Variants in ACOX3 observed in about 807,000 individuals in gnomAD.
The protein encoded by ACOX3 is peroxisomal acyl-coenzyme A oxidase 3.
In ACOX3, 73 loss-of-function variants were observed where a neutral mutation model predicts 81.5. The observed-to-expected ratio is 0.90, with a 90% confidence interval of 0.74 to 1.09. The LOEUF (loss-of-function observed/expected upper bound fraction) is 1.09, where lower values mean the gene tolerates loss of function less well. Among genes scored for constraint, ACOX3 ranks in the 50% least tolerant of loss-of-function variants. The pLI, the probability that ACOX3 is intolerant of heterozygous loss-of-function variation, is 0.00. For synonymous variants in ACOX3, 387 were observed against 375.1 expected (o/e 1.03, Z -0.37); for missense variants, 947 against 928.0 (o/e 1.02, Z -0.27).
intron 16 of ACOX3, among the ~76,000 whole-genome samples, chr4:8,371,306 G>A (rs937082710): frequency 6.6e-6 from 1 of 152,164 alleles, no homozygotes; most frequent in Non-Finnish European, 1.5e-5. Context: ...TCAGAGGCTC[G>A]TTTCTAAGCC....
chr4:8,367,084 C>T lies in ACOX3; in HGVS notation c.1984-4G>A, dbSNP rs761584260. ...CGCCCCAGAGGTTTTTGTAGAGCTG[C>T]AAACAACACGTACACAGCAAGTGAA... On this transcript the variant is annotated splice_region_variant and splice_polypyrimidine_tract_variant and intron_variant, in intron 17 of 17. Transcript: ENST00000356406. 2 of 1,613,540 alleles carry T rather than the reference C, an allele frequency of 1.2e-6. No homozygotes were observed. The highest frequency in any genetic ancestry group is 2.2e-5 in the South Asian group (2 of 91,070).
rs375961436 is a variant in ACOX3 at position 8,381,243 on chromosome 4, C to T, written c.1653+249G>A. On this transcript the variant is annotated intron_variant, in intron 14 of 17. Transcript: ENST00000356406. This position sits in a 1 kb window ranked among gnomAD's most constrained non-coding sequence, Gnocchi z 4.3. ...CCCAGAGCTTCACCGCTCTGGTTTACGGGCTGGGAACCGTCAGGCACGGTA... is the reference window on the plus strand; with the variant it reads ...CCCAGAGCTTCACCGCTCTGGTTTATGGGCTGGGAACCGTCAGGCACGGTA... 4.1e-4 allele frequency among the ~76,000 whole-genome samples: 63 copies of T among 152,266 alleles called. No individual in the cohort carries two copies. Among genetic ancestry groups the T allele is most frequent in the Middle Eastern group, 6.8e-3 (2 of 294 alleles).
chr4:8,358,746 C>T, the ACOX3 span, among the ~76,000 whole-genome samples: 6 of 152,308 alleles, frequency 3.9e-5, no homozygotes, highest in Non-Finnish European at 5.9e-5. Context: ...GCCATGGCAA[C>T]GTCAGGATGC....
chr4:8,425,939 G>A (rs890895811), intron 1 of ACOX3, among the ~76,000 whole-genome samples: 1 of 152,042 alleles, frequency 6.6e-6, no homozygotes, highest in Non-Finnish European at 1.5e-5. Context: ...AGGGAAGGTC[G>A]AGAAAATGAA....
downstream of ACOX3, among the ~76,000 whole-genome samples, chr4:8,361,283 A>G (rs113924433): frequency 2.2e-4 from 33 of 151,888 alleles, no homozygotes; most frequent in Non-Finnish European, 4.6e-4. Flanking sequence ...AAAATTAGCC[A>G]GGCGTGGTTG....
intron 16 of ACOX3, among the ~76,000 whole-genome samples, chr4:8,372,435 C>T (rs985788016): frequency 6.6e-6 from 1 of 152,180 alleles, no homozygotes. Flanking sequence ...CTATGCCCCC[C>T]TCTCTGGCGA....
rs771807820 is a variant in ACOX3, at chr4:8,416,609, C to T, written c.-14-74G>A. The T allele has an allele frequency of 7.0e-7, 1 of 1,430,542 alleles. No individual in the cohort carries two copies. The highest frequency in any genetic ancestry group is 9.3e-7 in the Non-Finnish European group (1 of 1,077,822). The allele number at this position is 1,430,542 out of a possible 1,614,324, so 88.6% of individuals were successfully genotyped here. On this transcript the variant is annotated intron_variant, in intron 1 of 17. Coordinates refer to ENST00000356406, the MANE Select transcript of ACOX3 (RefSeq NM_003501.3). This position sits in a 1 kb window ranked among gnomAD's most constrained non-coding sequence, Gnocchi z 4.2. The stretch of plus-strand genomic sequence containing the variant: ...AAACTACCCCCACCAACAGGAGAGC[C>T]CGCAACACCTTACAAATCAGAGAAA...
At position 8,384,598 on chromosome 4, in the gene ACOX3, G is replaced by A. The variant is rs989638341; in HGVS notation, c.1538-2991C>T. ...TCGAAGGTGCCCCCAGCCGCCCTGT[G>A]CACCCAATGACTGCCCCTCGATCTG... On this transcript the variant is annotated intron_variant, in intron 13 of 17. Coordinates refer to ENST00000356406, the MANE Select transcript of ACOX3 (RefSeq NM_003501.3). The surrounding 1 kb of genome is among the most constrained non-coding windows in gnomAD (Gnocchi z 5.3). Among the ~76,000 whole-genome samples, 2 of 152,146 alleles carry A rather than the reference G, an allele frequency of 1.3e-5. No homozygotes were observed. Among genetic ancestry groups the A allele is most frequent in the African/African-American group, 4.8e-5 (2 of 41,432 alleles).
chr4:8,427,954 G>T (rs1311283693), intron 1 of ACOX3, among the ~76,000 whole-genome samples: 1 of 152,118 alleles, frequency 6.6e-6, no homozygotes, highest in Non-Finnish European at 1.5e-5. Context: ...ATACAGTGAC[G>T]CCTGCCTAGT....
At chr4:8,372,058 G>C (rs749737750) in intron 16 of ACOX3, among the ~76,000 whole-genome samples, 2 of 152,152 alleles carry the variant, frequency 1.3e-5, no homozygotes, top group African/African-American at 4.8e-5. Context: ...GGCACACAAC[G>C]GTCATCCAGC....
At chr4:8,424,135 T>C (rs910437608) in intron 1 of ACOX3, among the ~76,000 whole-genome samples, 7 of 152,358 alleles carry the variant, frequency 4.6e-5, no homozygotes, top group African/African-American at 1.7e-4. Flanking sequence ...GGCTTATCCT[T>C]ATCCCAAAAC....
Position 8,392,364 on chromosome 4 carries a change from C to T in ACOX3, c.1269G>A (p.Arg423=). 1.2e-6 allele frequency: 2 copies of T among 1,606,116 alleles called. No individual in the cohort carries two copies. The highest frequency in any genetic ancestry group is 1.1e-5 in the South Asian group (1 of 89,966). ...WTTQQGIQEC[R]EACGGHGYLA... is the part of the protein sequence containing the mutation. The stretch of plus-strand genomic sequence containing the variant: ...GATAGCCGTGTCCTCCACACGCCTC[C>T]CGGCATTCCTGAATTCCTTGCTGGG... Residue 423 remains arginine, a synonymous_variant, in exon 11 of 18, where the codon CGG becomes CGA. Transcript: ENST00000356406.
chr4:8,359,774 C>G, the ACOX3 span, among the ~76,000 whole-genome samples: 2 of 152,218 alleles, frequency 1.3e-5, no homozygotes, highest in Admixed American at 6.5e-5. This position sits in a 1 kb window ranked among gnomAD's most constrained non-coding sequence, Gnocchi z 6.0. Flanking sequence ...CTTCCCCATC[C>G]TGCCTCAGGC....
intron 1 of ACOX3, among the ~76,000 whole-genome samples, chr4:8,438,399 A>G (rs745482949): frequency 6.6e-6 from 1 of 152,250 alleles, no homozygotes; most frequent in African/African-American, 2.4e-5. Context: ...ACTGAAAAAA[A>G]TATTGCCAGG....
At chr4:8,392,649 C>T (rs11934603) in intron 10 of ACOX3, among the ~76,000 whole-genome samples, 196 bp from the exon 11 acceptor site, 38,720 of 152,142 alleles carry the variant, frequency 0.25, 5,451 homozygotes, top group African/African-American at 0.38. Context: ...CACTGTGGTA[C>T]GCTCATACCA....
At chr4:8,391,530 C>T (rs781130472) in intron 11 of ACOX3, among the ~76,000 whole-genome samples, 4 of 152,124 alleles carry the variant, frequency 2.6e-5, no homozygotes, top group South Asian at 2.1e-4. Context: ...GATTAGCACA[C>T]GGGAAGTTTT....
intron 3 of ACOX3, 49 bp downstream of exon 3, chr4:8,415,717 T>C (rs1336366558): frequency 6.4e-7 from 1 of 1,556,782 alleles, no homozygotes; most frequent in African/African-American, 1.4e-5. Flanking sequence ...CCCTCAAGGC[T>C]CAGCGCAGCA....
intron 1 of ACOX3, among the ~76,000 whole-genome samples, chr4:8,422,849 G>A (rs1024082743): frequency 6.6e-5 from 10 of 152,176 alleles, no homozygotes; most frequent in African/African-American, 2.4e-4. Context: ...TGGTCTACAA[G>A]GACACTTTAA....
chr4:8,375,063 C>T lies in ACOX3; in HGVS notation c.1743G>A (p.Pro581=), dbSNP rs1437009036. The T allele has an allele frequency of 1.3e-6, 2 of 1,554,616 alleles. No individual in the cohort carries two copies. The highest frequency in any genetic ancestry group is 1.7e-6 in the Non-Finnish European group (2 of 1,148,892). The change falls in exon 15 of 18, where the codon CCG becomes CCA. Residue 581 remains proline (P), a synonymous_variant. Coordinates refer to ENST00000356406, the MANE Select transcript of ACOX3 (RefSeq NM_003501.3). The part of the protein sequence containing the change: ...FHEHVHQPSV[P]PSLRAVLGRL... Reference sequence around the variant, plus strand: ...GCCCCAGCACGGCCCGCAGCGAGGGCGGCACGGAAGGCTGGTGCACGTGCT... The same window carrying T: ...GCCCCAGCACGGCCCGCAGCGAGGGTGGCACGGAAGGCTGGTGCACGTGCT...
Sources: allele counts gnomAD v4.1 joint callset (sites outside exome capture counted in the v4.1 genomes callset), GRCh38; gene constraint gnomAD v4.1.1; non-coding constraint Gnocchi (gnomAD v3.1); transcripts MANE v1.5; gene names NCBI Gene and HGNC (gene_info 2026-07-23, HGNC 2026-07-21).